Variants in LPP observed in about 807,000 individuals in gnomAD.
LPP encodes the protein LIM domain containing preferred translocation partner in lipoma.
Under a neutral mutation model 60.4 loss-of-function variants are expected in LPP, and 38 were observed. The observed-to-expected ratio is 0.63, with a 90% confidence interval of 0.49 to 0.83. The LOEUF (loss-of-function observed/expected upper bound fraction) is 0.83. LPP is among the 40% of genes least tolerant of loss of function. LPP has a pLI of 0.00. For missense variants in LPP, 902 were observed against 783.6 expected (o/e 1.15, Z -1.80); for synonymous variants, 328 against 290.8 (o/e 1.13, Z -1.30).
chr3:188,587,952 T>C (rs968335729), intron 6 of LPP, among the ~76,000 whole-genome samples: 4 of 152,244 alleles, frequency 2.6e-5, no homozygotes, highest in African/African-American at 7.2e-5. Flanking sequence ...TCTTAATGAA[T>C]GGAAAGTCAT....
At chr3:188,863,378 C>T (rs1578042445) in intron 9 of LPP, among the ~76,000 whole-genome samples, 1 of 152,172 alleles carries the variant, frequency 6.6e-6, no homozygotes. Context: ...AGCTCCCTCT[C>T]TGCATTATTA....
chr3:188,410,745 GA>G (rs1197753405), intron 4 of LPP, among the ~76,000 whole-genome samples: 9 of 152,058 alleles, frequency 5.9e-5, no homozygotes, highest in African/African-American at 1.9e-4. Flanking sequence ...TCTTCTTAGA[GA>G]TTTTTTTTAG....
intron 1 of LPP, among the ~76,000 whole-genome samples, chr3:188,170,775 T>C (rs373686198): frequency 3.3e-4 from 51 of 152,346 alleles, no homozygotes; most frequent in African/African-American, 1.1e-3. Flanking sequence ...TTTTCATTCT[T>C]ATTCATCTGA....
intron 3 of LPP, among the ~76,000 whole-genome samples, chr3:188,394,698 AG>A (rs1780493699): frequency 6.6e-6 from 1 of 152,146 alleles, no homozygotes; most frequent in African/African-American, 2.4e-5. Flanking sequence ...CTACTACAAC[AG>A]TTCTCTCATC....
chr3:188,875,631 C>T lies in LPP; in HGVS notation c.*1152C>T, dbSNP rs1008844284. On this transcript the variant is annotated 3_prime_UTR_variant, in exon 12 of 12. Coordinates refer to ENST00000617246, the MANE Select transcript of LPP (RefSeq NM_001375462.1). ...CATTATTCTCATAATCCTTCTGCAA[C>T]TGAAATTACATATTGCAGGAGACAT... The T allele has an allele frequency of 2.0e-5, 4 of 204,578 alleles. No individual in the cohort carries two copies. Among genetic ancestry groups the T allele is most frequent in the South Asian group, 1.9e-4 (1 of 5,270 alleles). 12.7% of individuals were successfully genotyped at this position (204,578 alleles called of 1,614,324 possible).
At chr3:188,239,979 A>G (rs149206456) in intron 2 of LPP, 1 of 197,510 alleles carries the variant, frequency 5.1e-6, no homozygotes, top group African/African-American at 2.3e-5. Context: ...CAGTCAGAGA[A>G]ACTGAGGCCC....
At chr3:188,808,866 G>T (rs115530437) in intron 9 of LPP, among the ~76,000 whole-genome samples, 1 of 152,060 alleles carries the variant, frequency 6.6e-6, no homozygotes. Flanking sequence ...GATGTATGTT[G>T]TGCTTCTCCC....
chr3:188,745,955 C>G (rs781051469), intron 8 of LPP, among the ~76,000 whole-genome samples: 6 of 152,182 alleles, frequency 3.9e-5, no homozygotes, highest in Non-Finnish European at 7.3e-5. Flanking sequence ...CGACCCATGT[C>G]TTCTGACTCT....
At chr3:188,189,282 T>G (rs1727472987) in intron 1 of LPP, among the ~76,000 whole-genome samples, 3 of 152,120 alleles carry the variant, frequency 2.0e-5, no homozygotes, top group African/African-American at 7.2e-5. Context: ...GTGACAGGGT[T>G]TCACCATGTT....
At chr3:188,209,511 C>T (rs1414174014) in intron 1 of LPP, among the ~76,000 whole-genome samples, 1 of 152,234 alleles carries the variant, frequency 6.6e-6, no homozygotes, top group African/African-American at 2.4e-5. Flanking sequence ...CCCTGCTGCC[C>T]TGTCTGCTGG....
intron 7 of LPP, among the ~76,000 whole-genome samples, chr3:188,697,359 A>G (rs1047419549): frequency 1.3e-5 from 2 of 152,218 alleles, no homozygotes. Flanking sequence ...TTACCTCGCC[A>G]TGGAAAGTGA....
At chr3:188,155,211 T>C (rs1298141583) in intron 1 of LPP, among the ~76,000 whole-genome samples, 2 of 151,832 alleles carry the variant, frequency 1.3e-5, no homozygotes, top group African/African-American at 4.8e-5. Context: ...AACTGAAAAA[T>C]CTCTCTGGCT....
chr3:188,592,554 T>TTTTTTTTTTG (rs1307690738), intron 6 of LPP, among the ~76,000 whole-genome samples: 2 of 118,250 alleles, frequency 1.7e-5, no homozygotes, highest in African/African-American at 5.9e-5. Flanking sequence ...TAGTTTTGTT[T>TTTTTTTTTTG]TTGTTTTTTA....
At chr3:188,839,245 T>A (rs955497413) in intron 9 of LPP, among the ~76,000 whole-genome samples, 21 of 152,188 alleles carry the variant, frequency 1.4e-4, no homozygotes, top group Non-Finnish European at 2.9e-4. Flanking sequence ...GTGTAGCATA[T>A]AAACAGGGAA....
chr3:188,462,588 ATGTGTGTGTGTGTG>A (rs71169003), intron 4 of LPP, among the ~76,000 whole-genome samples: 104 of 58,270 alleles, frequency 1.8e-3, no homozygotes, highest in African/African-American at 4.9e-3. Context: ...ATATATATGC[ATGTGTGTGTGTGTG>A]TGTGTGTGTG....
intron 8 of LPP, among the ~76,000 whole-genome samples, chr3:188,717,758 G>A (rs1273029687): frequency 6.6e-6 from 1 of 152,138 alleles, no homozygotes; most frequent in Non-Finnish European, 1.5e-5. Flanking sequence ...ATAATTCTGA[G>A]CATTTTATGT....
At chr3:188,501,038 A>G (rs113213886) in intron 5 of LPP, among the ~76,000 whole-genome samples, 84 of 151,546 alleles carry the variant, frequency 5.5e-4, no homozygotes, top group African/African-American at 2.0e-3. Flanking sequence ...TCTATTCTCC[A>G]TTCTACTTAT....
intron 7 of LPP, among the ~76,000 whole-genome samples, chr3:188,680,749 T>A (rs945893401): frequency 6.6e-6 from 1 of 152,204 alleles, no homozygotes; most frequent in Non-Finnish European, 1.5e-5. Context: ...TTAGAAATTA[T>A]CTTTGAAAGG....
chr3:188,557,930 C>G (rs1243409655), intron 6 of LPP, among the ~76,000 whole-genome samples: 1 of 152,046 alleles, frequency 6.6e-6, no homozygotes, highest in African/African-American at 2.4e-5. Context: ...CTGATGTTAT[C>G]AGTACTTTTG....
Sources: gnomAD v4.1 joint callset for allele counts (sites outside exome capture counted in the v4.1 genomes callset) on GRCh38, gnomAD v4.1.1 for gene constraint, MANE v1.5 for transcripts, NCBI Gene and HGNC (gene_info 2026-07-23, HGNC 2026-07-21) for gene names.